The following WDSUB1 variants were observed in gnomAD, a reference collection of about 807,000 sequenced individuals.
WDSUB1 encodes the protein WD repeat, sterile alpha motif and U-box domain containing 1.
In WDSUB1, 49 loss-of-function variants were observed where a neutral mutation model predicts 53.9. That is an observed-to-expected ratio of 0.91 (90% CI 0.72 to 1.15). The LOEUF is 1.15. Among genes scored for constraint, WDSUB1 ranks in the 50% most tolerant of loss-of-function variants. The pLI is 0.00. For synonymous variants in WDSUB1, 194 were observed against 200.6 expected (o/e 0.97, Z 0.28); for missense variants, 514 against 562.0 (o/e 0.91, Z 0.86).
chr2:159,240,453 G>T lies in WDSUB1; in HGVS notation c.1274-4263C>A, dbSNP rs145271732. Among the ~76,000 whole-genome samples the T allele has an allele frequency of 3.7e-4, 56 of 152,162 alleles. No homozygotes were observed. The East Asian group carries it at 8.9e-3, about 24-fold the overall frequency. On this transcript the variant is annotated intron_variant, in intron 10 of 10. Coordinates refer to ENST00000359774, the MANE Select transcript of WDSUB1 (RefSeq NM_001128212.3). ...TTTTCAACAGCAACCACACATGAAG[G>T]TTCCATTTTCTGCACATCCTTGCCA...
chr2:159,238,492 T>G (rs537374418), intron 10 of WDSUB1, among the ~76,000 whole-genome samples: 1 of 152,336 alleles, frequency 6.6e-6, no homozygotes, highest in Non-Finnish European at 1.5e-5. Flanking sequence ...ATTTGGAATT[T>G]AAATATACAC....
At chr2:159,253,596 T>A (rs1257592156) in intron 9 of WDSUB1, among the ~76,000 whole-genome samples, 1 of 152,228 alleles carries the variant, frequency 6.6e-6, no homozygotes, top group Non-Finnish European at 1.5e-5. Context: ...TTAATCAACT[T>A]CCTCCATTTG....
At chr2:159,285,336 A>C (rs1397986622) in intron 1 of WDSUB1, among the ~76,000 whole-genome samples, 1 of 152,186 alleles carries the variant, frequency 6.6e-6, no homozygotes, top group African/African-American at 2.4e-5. Context: ...TCAGCTCTGA[A>C]AGGGGCAGGT....
At chr2:159,250,982 G>A (rs1257976661) in intron 9 of WDSUB1, among the ~76,000 whole-genome samples, 2 of 152,000 alleles carry the variant, frequency 1.3e-5, no homozygotes, top group Non-Finnish European at 2.9e-5. Flanking sequence ...AAGAAAAGGA[G>A]GCTGGGTGTA....
chr2:159,247,910 A>ATATATATAAATATATATATATAT, intron 10 of WDSUB1, among the ~76,000 whole-genome samples: 1 of 17,692 alleles, frequency 5.7e-5, no homozygotes, highest in South Asian at 1.6e-3. Flanking sequence ...TATATATATA[A>ATATATATAAATATATATATATAT]ATATATATAT....
intron 10 of WDSUB1, among the ~76,000 whole-genome samples, chr2:159,241,241 C>A (rs2060637947): frequency 6.6e-6 from 1 of 152,154 alleles, no homozygotes; most frequent in South Asian, 2.1e-4. Context: ...TCTTTAGCCC[C>A]AGTTAACATT....
rs185486019 is a variant in WDSUB1 at position 159,262,286 on chromosome 2, C to T, written c.771-2443G>A. ...TGGATTGGGAAGACAGAAATCAGTG[C>T]GACAGGCAAGAGTCCACATATGGGA... On this transcript the variant is annotated intron_variant, in intron 5 of 10. Coordinates refer to ENST00000359774, the MANE Select transcript of WDSUB1 (RefSeq NM_001128212.3). 4.6e-5 allele frequency among the ~76,000 whole-genome samples: 7 copies of T among 151,970 alleles called. No individual in the cohort carries two copies. The East Asian group carries it at 1.4e-3, about 29-fold the overall frequency.
chr2:159,246,295 G>T (rs1279816768), intron 10 of WDSUB1, among the ~76,000 whole-genome samples: 1 of 152,060 alleles, frequency 6.6e-6, no homozygotes, highest in Non-Finnish European at 1.5e-5. Flanking sequence ...AGCCGGGCGT[G>T]GTGGTGGGTG....
chr2:159,270,178 C>T (rs970348392), intron 5 of WDSUB1, among the ~76,000 whole-genome samples: 4 of 151,986 alleles, frequency 2.6e-5, no homozygotes, highest in African/African-American at 9.7e-5. Context: ...CTAACAAGTG[C>T]CTAGAAAGAA....
intron 2 of WDSUB1, among the ~76,000 whole-genome samples, chr2:159,282,223 C>G (rs1378564002): frequency 6.6e-6 from 1 of 151,572 alleles, no homozygotes; most frequent in Non-Finnish European, 1.5e-5. Context: ...GACGGAGACT[C>G]GGTCTGTCAC....
chr2:159,258,221 T>C (rs1317546197), intron 6 of WDSUB1, among the ~76,000 whole-genome samples: 1 of 152,246 alleles, frequency 6.6e-6, no homozygotes, highest in African/African-American at 2.4e-5. Flanking sequence ...GCCACCTCCT[T>C]AGAAATTTTT....
intron 10 of WDSUB1, among the ~76,000 whole-genome samples, chr2:159,245,046 C>A (rs1262284259): frequency 6.6e-6 from 1 of 152,094 alleles, no homozygotes; most frequent in Non-Finnish European, 1.5e-5. Context: ...CAAAGTGATA[C>A]CATGTTCATG....
intron 5 of WDSUB1, among the ~76,000 whole-genome samples, chr2:159,265,679 G>C (rs1054334522): frequency 2.6e-5 from 4 of 152,222 alleles, no homozygotes; most frequent in Admixed American, 2.0e-4. Flanking sequence ...TCACACTCCA[G>C]CCTGGGTGAC....
chr2:159,241,959 C>T (rs1273029667), intron 10 of WDSUB1, among the ~76,000 whole-genome samples: 1 of 147,504 alleles, frequency 6.8e-6, no homozygotes. Context: ...TGCTATCCTG[C>T]AGATAAGAAT....
intron 10 of WDSUB1, among the ~76,000 whole-genome samples, chr2:159,236,808 G>T (rs1244539018): frequency 1.3e-5 from 2 of 152,078 alleles, no homozygotes; most frequent in African/African-American, 4.8e-5. Flanking sequence ...TGTATTTTTA[G>T]TAGAGTTTCA....
chr2:159,237,276 C>T (rs567347757), intron 10 of WDSUB1, among the ~76,000 whole-genome samples: 1 of 152,220 alleles, frequency 6.6e-6, no homozygotes, highest in East Asian at 1.9e-4. Context: ...TCCCAGCACT[C>T]TGGGAGGCCA....
chr2:159,252,823 T>C (rs73967281), intron 9 of WDSUB1, among the ~76,000 whole-genome samples: 2,907 of 152,324 alleles, frequency 0.019, 106 homozygotes, highest in African/African-American at 0.067. Flanking sequence ...AAATGTCTTA[T>C]GTGCTTTTAT....
At chr2:159,238,502 C>T (rs1216960637) in intron 10 of WDSUB1, among the ~76,000 whole-genome samples, 2 of 152,198 alleles carry the variant, frequency 1.3e-5, no homozygotes, top group Non-Finnish European at 2.9e-5. Context: ...TAAATATACA[C>T]TATGCAAGAT....
Position 159,236,066 on chromosome 2 carries a change from G to A in WDSUB1, c.1398C>T (p.Ala466=), listed in dbSNP as rs1422921622. The A allele has an allele frequency of 1.2e-6, 2 of 1,610,796 alleles. No homozygotes were observed. The highest frequency in any genetic ancestry group is 1.3e-5 in the African/African-American group (1 of 74,764). ...GGTGTGTCTCCAGCCATCTATTGAT[G>A]GCCATTTTCAGAGTCCTATTTGGTG... is the stretch of plus-strand genomic sequence containing the variant. ...VLTPNRTLKM[A]INRWLETHQK Residue 466 remains alanine, a synonymous_variant, in exon 11 of 11, where the codon GCC becomes GCT. Coordinates refer to ENST00000359774, the MANE Select transcript of WDSUB1 (RefSeq NM_001128212.3).
Sources: allele counts gnomAD v4.1 joint callset (sites outside exome capture counted in the v4.1 genomes callset), GRCh38; gene constraint gnomAD v4.1.1; transcripts MANE v1.5; gene names NCBI Gene and HGNC (gene_info 2026-07-23, HGNC 2026-07-21).